The following C9 variants were observed in gnomAD, a reference collection of about 807,000 sequenced individuals.
The protein encoded by C9 is complement C9.
Under a neutral mutation model 65.4 loss-of-function variants are expected in C9, and 63 were observed. The observed-to-expected ratio is 0.96, with a 90% confidence interval of 0.79 to 1.19. C9 has a LOEUF of 1.19. Among genes scored for constraint, C9 ranks in the 50% most tolerant of loss-of-function variants. C9 has a pLI of 0.00. For synonymous variants in C9, 229 were observed against 227.9 expected, an observed-to-expected ratio of 1.00 and a Z score of -0.04; for missense variants, 744 against 670.1, an observed-to-expected ratio of 1.11 and a Z score of -1.22.
rs1579847066 is a variant in C9, at chr5:39,306,992, G to A, written c.1241-200C>T. Among the ~76,000 whole-genome samples, 4 of 152,162 alleles carry A rather than the reference G, an allele frequency of 2.6e-5. No homozygotes were observed. The South Asian group carries it at 8.3e-4, about 32-fold the overall frequency. The stretch of plus-strand genomic sequence containing the variant: ...TGGAAATTTACATTAGTAACCAGTT[G>A]TAGATTTCTGTCATCTCTTTTAAAA... On this transcript the variant is annotated intron_variant, in intron 8 of 10. Transcript: ENST00000263408.
chr5:39,298,219 A>C (rs1392716622), intron 9 of C9, among the ~76,000 whole-genome samples: 1 of 151,684 alleles, frequency 6.6e-6, no homozygotes, highest in East Asian at 1.9e-4. Flanking sequence ...ACAAGAAAAA[A>C]ATATCTAAAA....
chr5:39,311,024 G>T, intron 7 of C9, 113 bp downstream of exon 7: 1 of 1,164,302 alleles, frequency 8.6e-7, no homozygotes, highest in Non-Finnish European at 1.3e-6. Context: ...TCTCAAAGGA[G>T]CAGGTTACAG....
chr5:39,323,182 C>G (rs909398272), intron 5 of C9, among the ~76,000 whole-genome samples: 1 of 151,844 alleles, frequency 6.6e-6, no homozygotes, highest in Non-Finnish European at 1.5e-5. Flanking sequence ...AAAAAGTCTC[C>G]CATGAAAGAA....
chr5:39,291,992 GAA>G (rs886697649), intron 9 of C9, among the ~76,000 whole-genome samples: 2 of 151,632 alleles, frequency 1.3e-5, no homozygotes, highest in African/African-American at 4.8e-5. Flanking sequence ...TGGAATCCTT[GAA>G]AAAAGTGAAG....
rs1752965011 is a variant in C9, at chr5:39,285,020, T to G, written c.*179A>C. 1.7e-6 allele frequency: 1 copy of G among 593,828 alleles called. No individual in the cohort carries two copies. Among genetic ancestry groups the G allele is most frequent in the African/African-American group, 1.9e-5 (1 of 53,354 alleles). 36.8% of individuals were successfully genotyped at this position (593,828 alleles called of 1,614,324 possible). The stretch of plus-strand genomic sequence containing the variant: ...ACAAAAAATGGAAACATCACAGGAG[T>G]TTAAGGAAGAAAAATTTAAAAAAAA... On this transcript the variant is annotated 3_prime_UTR_variant, in exon 11 of 11. Transcript: ENST00000263408.
chr5:39,361,347 A>T (rs1225144131), intron 1 of C9, among the ~76,000 whole-genome samples: 1 of 152,178 alleles, frequency 6.6e-6, no homozygotes, highest in East Asian at 1.9e-4. Context: ...AATAACACAA[A>T]TCTCACGGAA....
Position 39,311,346 on chromosome 5 carries a change from A to G in C9, c.902T>C (p.Ile301Thr), listed in dbSNP as rs541022246. 3.7e-6 allele frequency: 6 copies of G among 1,612,644 alleles called. No homozygotes were observed. Among genetic ancestry groups the G allele is most frequent in the Non-Finnish European group, 5.1e-6 (6 of 1,179,022 alleles). ...EKMFLHVKGE[I>T]HLGRFVMRNR... The stretch of plus-strand genomic sequence containing the variant: ...TCTCATTACAAATCTTCCCAGATGA[A>G]TTTCTCCTTTCACATGCAGAAACAT... Residue 301 changes from isoleucine to threonine, a missense_variant, in exon 7 of 11, where the codon ATT becomes ACT. Physicochemically the swap from Ile to Thr is moderately conservative, Grantham distance 89. Coordinates refer to ENST00000263408, the MANE Select transcript of C9 (RefSeq NM_001737.5).
At chr5:39,337,037 C>T (rs1299494624) in intron 4 of C9, among the ~76,000 whole-genome samples, 2 of 151,572 alleles carry the variant, frequency 1.3e-5, no homozygotes, top group Non-Finnish European at 1.5e-5. Flanking sequence ...GAGGAGTATA[C>T]TCTGCTCTTA....
intron 5 of C9, among the ~76,000 whole-genome samples, chr5:39,327,407 G>A (rs997058607): frequency 6.6e-6 from 1 of 152,138 alleles, no homozygotes; most frequent in South Asian, 2.1e-4. Flanking sequence ...AGTGGGAATG[G>A]GGAATAAGAA....
chr5:39,341,662 A>G lies in C9; in HGVS notation c.222T>C (p.Asn74=), dbSNP rs1290539249. 5.0e-6 allele frequency: 8 copies of G among 1,613,932 alleles called. No homozygotes were observed. In the African/African-American group the frequency reaches 8.0e-5, roughly 16 times the overall value. The change falls in exon 3 of 11, where the codon AAT becomes AAC. Residue 74 remains asparagine, a synonymous_variant. Coordinates refer to ENST00000263408, the MANE Select transcript of C9 (RefSeq NM_001737.5). ...SRSIEVFGQF[N]GKRCTDAVGD... ...CCACAGCGTCGGTGCATCTTTTCCCATTAAATTGTCCAAAGACCTCAATGC... is the reference window on the plus strand; with the variant it reads ...CCACAGCGTCGGTGCATCTTTTCCCGTTAAATTGTCCAAAGACCTCAATGC...
intron 1 of C9, among the ~76,000 whole-genome samples, chr5:39,360,389 A>G (rs911119585): frequency 5.3e-5 from 8 of 152,182 alleles, no homozygotes; most frequent in Admixed American, 3.9e-4. Flanking sequence ...ACTTCTCTCC[A>G]GAGCCCAGGT....
chr5:39,362,407 A>G (rs115487932), intron 1 of C9, among the ~76,000 whole-genome samples: 5 of 152,216 alleles, frequency 3.3e-5, no homozygotes, highest in Admixed American at 2.6e-4. Context: ...AAACCAAAAA[A>G]TAAAATACAA....
At chr5:39,294,306 TAAAC>T (rs1163564713) in intron 9 of C9, among the ~76,000 whole-genome samples, 2 of 150,206 alleles carry the variant, frequency 1.3e-5, no homozygotes, top group Admixed American at 6.6e-5. Flanking sequence ...AAAGACAAAA[TAAAC>T]AAACAATAGC....
intron 1 of C9, among the ~76,000 whole-genome samples, chr5:39,346,657 C>T (rs201396316): frequency 1.3e-5 from 2 of 152,148 alleles, no homozygotes; most frequent in Admixed American, 1.3e-4. Context: ...GGGAATCCTC[C>T]CTAACTCATT....
At chr5:39,336,946 A>G (rs1753980378) in intron 4 of C9, among the ~76,000 whole-genome samples, 1 of 152,052 alleles carries the variant, frequency 6.6e-6, no homozygotes, top group South Asian at 2.1e-4. Context: ...AAGGTGTCAG[A>G]GTCCAGTTGA....
intron 1 of C9, among the ~76,000 whole-genome samples, chr5:39,346,247 A>T (rs1261315): frequency 0.055 from 8,384 of 152,260 alleles, 369 homozygotes; most frequent in African/African-American, 0.12. Flanking sequence ...TTTTCTGAAA[A>T]GATCAACAAA....
At chr5:39,300,578 C>T (rs1041737902) in intron 9 of C9, among the ~76,000 whole-genome samples, 7 of 151,376 alleles carry the variant, frequency 4.6e-5, no homozygotes, top group South Asian at 2.1e-4. Context: ...CCAACAGAGA[C>T]GTCTGGCAAA....
intron 5 of C9, 62 bp from the exon 6 acceptor site, chr5:39,316,091 G>A (rs1407415281): frequency 7.2e-7 from 1 of 1,395,972 alleles, no homozygotes; most frequent in African/African-American, 1.4e-5. Context: ...AAAACAAGCA[G>A]AACAGAACCA....
chr5:39,300,821 G>A (rs928236877), intron 9 of C9, among the ~76,000 whole-genome samples: 8 of 152,090 alleles, frequency 5.3e-5, no homozygotes, highest in Non-Finnish European at 1.2e-4. Flanking sequence ...ACCATGTATA[G>A]AAAGACAGTT....
Sources: allele counts gnomAD v4.1 joint callset (sites outside exome capture counted in the v4.1 genomes callset), GRCh38; gene constraint gnomAD v4.1.1; transcripts MANE v1.5; gene names NCBI Gene and HGNC (gene_info 2026-07-23, HGNC 2026-07-21).